Variants in PCDHGA4 observed in about 807,000 individuals in gnomAD.
PCDHGA4 encodes the protein protocadherin gamma subfamily A, 4, also known as protocadherin gamma-A4.
Under a neutral mutation model 54.6 loss-of-function variants are expected in PCDHGA4, and 38 were observed. The observed-to-expected ratio is 0.70, with a 90% CI of 0.54 to 0.91. PCDHGA4 has a LOEUF of 0.91. Among genes scored for constraint, PCDHGA4 ranks in the 40% least tolerant of loss-of-function variants. PCDHGA4 has a pLI of 0.00. For missense variants in PCDHGA4, 1,298 were observed against 1,220.9 expected (o/e 1.06, Z -0.94); for synonymous variants, 511 against 512.9 (o/e 1.00, Z 0.05).
intron 1 of PCDHGA4, among the ~76,000 whole-genome samples, chr5:141,483,557 G>A (rs141633312): frequency 4.5e-4 from 69 of 152,276 alleles, no homozygotes; most frequent in Admixed American, 1.9e-3. Context: ...GCCATTCACA[G>A]AGACAGTGAA....
At chr5:141,478,862 C>A in intron 1 of PCDHGA4, 1 of 1,326,032 alleles carries the variant, frequency 7.5e-7, no homozygotes, top group Non-Finnish European at 1.0e-6. Context: ...AAGATCTCAG[C>A]GATCAGAGTT....
intron 1 of PCDHGA4, among the ~76,000 whole-genome samples, chr5:141,458,247 C>T (rs758242859): frequency 4.6e-5 from 7 of 152,100 alleles, no homozygotes; most frequent in South Asian, 2.1e-4. Flanking sequence ...CAAAATGATA[C>T]GGCTCTGATG....
chr5:141,422,977 G>A (rs1434523351), intron 1 of PCDHGA4: 1 of 1,614,110 alleles, frequency 6.2e-7, no homozygotes, highest in Non-Finnish European at 8.5e-7. Context: ...CCGCTCTGCG[G>A]AACCTGGCTA....
chr5:141,424,005 C>A, intron 1 of PCDHGA4: 1 of 1,070,322 alleles, frequency 9.3e-7, no homozygotes. Context: ...TATATAGATA[C>A]AAATTAATGA....
chr5:141,413,218 A>G, intron 1 of PCDHGA4: 1 of 1,613,610 alleles, frequency 6.2e-7, no homozygotes. Flanking sequence ...AAAGGATTGC[A>G]GCGGGCTGGT....
At chr5:141,360,539 A>T (rs1334168978) in intron 1 of PCDHGA4, 1 of 1,614,000 alleles carries the variant, frequency 6.2e-7, no homozygotes, top group Non-Finnish European at 8.5e-7. Flanking sequence ...CTATTCAAAC[A>T]GACTAAGATT....
At chr5:141,420,945 G>C in intron 1 of PCDHGA4, 1 of 396,520 alleles carries the variant, frequency 2.5e-6, no homozygotes, top group South Asian at 5.1e-5. Flanking sequence ...ATTTCTTCTG[G>C]AATTTCTTAG....
chr5:141,360,425 G>A, intron 1 of PCDHGA4: 1 of 1,613,966 alleles, frequency 6.2e-7, no homozygotes, highest in Non-Finnish European at 8.5e-7. Flanking sequence ...CAGATATGCG[G>A]GAAGCAGCCT....
chr5:141,461,088 G>A (rs2099008870), intron 1 of PCDHGA4, among the ~76,000 whole-genome samples: 1 of 151,800 alleles, frequency 6.6e-6, no homozygotes, highest in Non-Finnish European at 1.5e-5. Context: ...GAATTGTGCT[G>A]CTATAAACAT....
chr5:141,478,454 A>T, intron 1 of PCDHGA4: 1 of 1,613,596 alleles, frequency 6.2e-7, no homozygotes. Flanking sequence ...TGGTGCAGCC[A>T]GTCCACTGGC....
chr5:141,476,666 G>T lies in PCDHGA4; in HGVS notation c.2515-18141G>T. 9 of 1,614,246 alleles carry T rather than the reference G, an allele frequency of 5.6e-6. No homozygotes were observed. Among genetic ancestry groups the T allele is most frequent in the Non-Finnish European group, 7.6e-6 (9 of 1,180,044 alleles). ...CCGAAATGAATACTTTGCGCTTCGC[G>T]TGCAGACGCGGGAGGACAGCACCAA... On this transcript the variant is annotated intron_variant, in intron 1 of 3. Transcript: ENST00000571252. This position sits in a 1 kb window ranked among gnomAD's most constrained non-coding sequence, Gnocchi z 7.6.
chr5:141,399,656 T>C, intron 1 of PCDHGA4: 1 of 1,613,694 alleles, frequency 6.2e-7, no homozygotes, highest in Non-Finnish European at 8.5e-7. Context: ...AGTGGGGTGG[T>C]GTTCGCGCAG....
chr5:141,432,584 C>T lies in PCDHGA4; in HGVS notation c.2515-62223C>T, dbSNP rs762935149. The T allele has an allele frequency of 2.3e-5, 37 of 1,613,854 alleles. No individual in the cohort carries two copies. The highest frequency in any genetic ancestry group is 3.3e-4 in the Middle Eastern group (2 of 6,018). On this transcript the variant is annotated intron_variant, in intron 1 of 3. Coordinates refer to ENST00000571252, the MANE Select transcript of PCDHGA4 (RefSeq NM_018917.4). The surrounding 1 kb of genome is among the most constrained non-coding windows in gnomAD (Gnocchi z 6.0). ...GAACGCCTGGCTGTCCTACCGTCTG[C>T]TCAAGGCCAGCGAGCCGGGACTCTT...
chr5:141,477,564 A>T lies in PCDHGA4; in HGVS notation c.2515-17243A>T. 2 of 1,613,924 alleles carry T rather than the reference A, an allele frequency of 1.2e-6. No individual in the cohort carries two copies. The highest frequency in any genetic ancestry group is 1.7e-6 in the Non-Finnish European group (2 of 1,179,980). On this transcript the variant is annotated intron_variant, in intron 1 of 3. Coordinates refer to ENST00000571252, the MANE Select transcript of PCDHGA4 (RefSeq NM_018917.4). The surrounding 1 kb of genome is among the most constrained non-coding windows in gnomAD (Gnocchi z 4.9). ...CCAATACTAAACCTAAGTGTCTGGG[A>T]CCCCGACGCCCCGCAGAATGCTCGG... is the stretch of plus-strand genomic sequence containing the variant.
At chr5:141,446,049 G>T (rs1043671484) in intron 1 of PCDHGA4, among the ~76,000 whole-genome samples, 1 of 152,100 alleles carries the variant, frequency 6.6e-6, no homozygotes, top group African/African-American at 2.4e-5. Context: ...AAGAAGAGCT[G>T]GCTTGGATTA....
chr5:141,361,135 C>T (rs535070372), intron 1 of PCDHGA4: 3 of 1,613,388 alleles, frequency 1.9e-6, no homozygotes, highest in Non-Finnish European at 2.5e-6. Context: ...CTGCAGTATC[C>T]AAGTTGAAAT....
In PCDHGA4 at chr5:141,477,406, A is replaced by G. The variant is rs1004061582; in HGVS notation, c.2515-17401A>G. The G allele has an allele frequency of 6.2e-7, 1 of 1,614,154 alleles. No individual in the cohort carries two copies. Among genetic ancestry groups the G allele is most frequent in the Non-Finnish European group, 8.5e-7 (1 of 1,180,040 alleles). The stretch of plus-strand genomic sequence containing the variant: ...AATACAACCTCAGCATCACCGCCCG[A>G]GACGCCGGAACCCCTTCCCTCTCAG... On this transcript the variant is annotated intron_variant, in intron 1 of 3. Transcript: ENST00000571252. The surrounding 1 kb of genome is among the most constrained non-coding windows in gnomAD (Gnocchi z 4.9).
chr5:141,452,303 G>C (rs1271182127), intron 1 of PCDHGA4, among the ~76,000 whole-genome samples: 1 of 152,048 alleles, frequency 6.6e-6, no homozygotes, highest in Non-Finnish European at 1.5e-5. Flanking sequence ...GAAAATATTA[G>C]AGACTCATAC....
intron 1 of PCDHGA4, chr5:141,394,056 G>C (rs776550132): frequency 6.2e-7 from 1 of 1,613,734 alleles, no homozygotes; most frequent in Non-Finnish European, 8.5e-7. Flanking sequence ...CCGAGAAAAT[G>C]TCTCTATCTA....
Sources: allele counts gnomAD v4.1 joint callset (sites outside exome capture counted in the v4.1 genomes callset), GRCh38; gene constraint gnomAD v4.1.1; non-coding constraint Gnocchi (gnomAD v3.1); transcripts MANE v1.5; gene names NCBI Gene and HGNC (gene_info 2026-07-23, HGNC 2026-07-21).